Variants in RGS22 observed in about 807,000 individuals in gnomAD.
RGS22 encodes regulator of G-protein signaling 22.
In RGS22, 148 loss-of-function variants were observed where a neutral mutation model predicts 172.9. That is an observed-to-expected ratio of 0.86 (90% confidence interval 0.75 to 0.98). The LOEUF (loss-of-function observed/expected upper bound fraction) is 0.98, where lower values mean the gene tolerates loss of function less well. Among genes scored for constraint, RGS22 ranks in the 50% least tolerant of loss-of-function variants. The pLI, the probability that RGS22 is intolerant of heterozygous loss-of-function variation, is 0.00. For missense variants in RGS22, 1,347 were observed against 1,440.8 expected (o/e 0.93, Z 1.05); for synonymous variants, 458 against 480.2 (o/e 0.95, Z 0.60).
intron 12 of RGS22, 107 bp from the exon 13 acceptor site, chr8:100,040,194 T>C (rs1474971448): frequency 4.1e-6 from 4 of 965,458 alleles, no homozygotes; most frequent in Non-Finnish European, 6.2e-6. Flanking sequence ...ATTTTCCCAC[T>C]GGACTATTTT....
At chr8:99,962,838 T>C (rs931828996) in intron 25 of RGS22, 47 bp downstream of exon 25, 2 of 1,578,510 alleles carry the variant, frequency 1.3e-6, no homozygotes, top group East Asian at 4.5e-5. Flanking sequence ...AATTAATCTG[T>C]GATAAAAGAT....
chr8:100,000,331 TTAA>T lies in RGS22; in HGVS notation c.2791-914_2791-912del, dbSNP rs1191889972. 6.6e-5 allele frequency among the ~76,000 whole-genome samples: 10 copies of T among 152,226 alleles called. 1 individual carries two copies. In the Middle Eastern group the frequency reaches 0.024, roughly 362 times the overall value. ...AGGAAATCCTCTTCTTAGTTCTCCT[TTAA>T]TAATATCATTAAATAATATCAACAC... On this transcript the variant is annotated intron_variant, in intron 18 of 27. Coordinates refer to ENST00000360863, the MANE Select transcript of RGS22 (RefSeq NM_015668.5).
intron 10 of RGS22, among the ~76,000 whole-genome samples, chr8:100,049,525 A>C (rs375875732): frequency 5.3e-5 from 8 of 152,152 alleles, no homozygotes; most frequent in African/African-American, 1.9e-4. Flanking sequence ...CTCCTTTGGC[A>C]TTGTTCTCTT....
chr8:99,971,335 C>G (rs1404223770), intron 23 of RGS22, among the ~76,000 whole-genome samples: 2 of 152,200 alleles, frequency 1.3e-5, no homozygotes, highest in African/African-American at 2.4e-5. Flanking sequence ...GATGCCCTCT[C>G]TCACCATTCC....
chr8:100,073,860 A>T (rs950183928), intron 4 of RGS22, among the ~76,000 whole-genome samples: 21 of 152,240 alleles, frequency 1.4e-4, no homozygotes, highest in Admixed American at 1.2e-3. Flanking sequence ...AAAATGAATT[A>T]AAAAGTTTAA....
At chr8:100,003,073 A>G (rs1389577408) in intron 17 of RGS22, 2 of 167,334 alleles carry the variant, frequency 1.2e-5, no homozygotes, top group South Asian at 1.1e-4. Flanking sequence ...AAAAAAAAGA[A>G]TGAGTAAGAA....
At chr8:100,001,053 A>G (rs868112861) in intron 18 of RGS22, among the ~76,000 whole-genome samples, 3 of 151,610 alleles carry the variant, frequency 2.0e-5, no homozygotes, top group Non-Finnish European at 4.4e-5. Context: ...GATAAACTAT[A>G]CATTACATCT....
chr8:100,002,507 A>G (rs1815204081), intron 17 of RGS22, 143 bp from the exon 18 acceptor site: 1 of 679,596 alleles, frequency 1.5e-6, no homozygotes. Context: ...CGAACCCAAT[A>G]TTGTATCTCT....
intron 21 of RGS22, among the ~76,000 whole-genome samples, chr8:99,985,091 A>G (rs1812941526): frequency 6.6e-6 from 1 of 152,212 alleles, no homozygotes; most frequent in East Asian, 1.9e-4. Flanking sequence ...GAGAAGCAGC[A>G]CAGCTTAGTG....
chr8:100,092,094 C>T (rs1194041367), intron 3 of RGS22: 1 of 151,660 alleles, frequency 6.6e-6, no homozygotes, highest in Non-Finnish European at 1.5e-5. Flanking sequence ...CTAATCTACA[C>T]AAGAAAGTGC....
At chr8:100,030,785 A>C (rs1818708601) in intron 14 of RGS22, among the ~76,000 whole-genome samples, 1 of 152,216 alleles carries the variant, frequency 6.6e-6, no homozygotes, top group African/African-American at 2.4e-5. Flanking sequence ...TGGAAAAACT[A>C]CTAAAGGATA....
At position 100,018,003 on chromosome 8, in the gene RGS22, CT is replaced by C. The variant is rs1817189345; in HGVS notation, c.2167-9435del. Among the ~76,000 whole-genome samples, 7 of 152,242 alleles carry C rather than the reference CT, an allele frequency of 4.6e-5. No individual in the cohort carries two copies. In the South Asian group the frequency reaches 1.5e-3, roughly 32 times the overall value. On this transcript the variant is annotated intron_variant, in intron 14 of 27. Transcript: ENST00000360863. ...CCAATTTAAACATTAACCTATGATG[CT>C]TTAACAACCCAGCAGGAAAGTTTTT... is the stretch of plus-strand genomic sequence containing the variant.
rs1042682977 is a variant in RGS22 at position 100,032,596 on chromosome 8, TAGAC to T, written c.2166+6331_2166+6334del. ...GACTTTAACACCCCACTGTCAATAT[TAGAC>T]AGATCAATGAGACAGAAGGTTAACA... On this transcript the variant is annotated intron_variant, in intron 14 of 27. Coordinates refer to ENST00000360863, the MANE Select transcript of RGS22 (RefSeq NM_015668.5). Among the ~76,000 whole-genome samples the T allele has an allele frequency of 8.7e-4, 133 of 152,184 alleles. 1 individual carries two copies. Among genetic ancestry groups the T allele is most frequent in the African/African-American group, 2.7e-3 (112 of 41,520 alleles).
intron 14 of RGS22, among the ~76,000 whole-genome samples, chr8:100,036,865 C>G (rs1313741273): frequency 1.3e-5 from 2 of 152,254 alleles, no homozygotes; most frequent in East Asian, 1.9e-4. Context: ...TGCCAAAGTA[C>G]TGGGATTACA....
intron 9 of RGS22, among the ~76,000 whole-genome samples, chr8:100,057,973 C>A (rs1199489386): frequency 6.6e-6 from 1 of 151,980 alleles, no homozygotes; most frequent in Non-Finnish European, 1.5e-5. Context: ...CAAGATAACA[C>A]AGAGAAGAAA....
rs771435029 is a variant in RGS22 at position 100,052,815 on chromosome 8, A to G, written c.1676T>C (p.Ile559Thr). Residue 559 changes from isoleucine (I) to threonine (T), a missense_variant, in exon 10 of 28, where the codon ATA becomes ACA. By Grantham distance (89) the Ile-to-Thr change is moderately conservative. Coordinates refer to ENST00000360863, the MANE Select transcript of RGS22 (RefSeq NM_015668.5). ...PLRPKSCIPQ[I>T]PEIQKEEFSL... is the part of the protein sequence containing the mutation. ...TGTACACCCTACCTGGATCTCAGGT[A>G]TCTGTGGAATGCAAGATTTGGGTCT... 5 of 1,613,918 alleles carry G rather than the reference A, an allele frequency of 3.1e-6. No individual in the cohort carries two copies. Among genetic ancestry groups the G allele is most frequent in the East Asian group, 2.2e-5 (1 of 44,880 alleles).
At chr8:100,069,192 T>C (rs1810765006) in intron 6 of RGS22, among the ~76,000 whole-genome samples, 1 of 152,226 alleles carries the variant, frequency 6.6e-6, no homozygotes, top group African/African-American at 2.4e-5. Context: ...TCTTGTATGA[T>C]AATTTTGATC....
intron 14 of RGS22, among the ~76,000 whole-genome samples, chr8:100,027,714 C>A (rs1328732580): frequency 6.6e-6 from 1 of 152,124 alleles, no homozygotes; most frequent in East Asian, 1.9e-4. Flanking sequence ...AACTCCTGAG[C>A]TCAGTTGATC....
At chr8:100,052,383 G>A (rs1331830231) in intron 10 of RGS22, among the ~76,000 whole-genome samples, 1 of 149,844 alleles carries the variant, frequency 6.7e-6, no homozygotes, top group East Asian at 2.0e-4. Flanking sequence ...CTCACTGCAA[G>A]CTCCGCCTCC....
Sources: allele counts gnomAD v4.1 joint callset (sites outside exome capture counted in the v4.1 genomes callset), GRCh38; gene constraint gnomAD v4.1.1; transcripts MANE v1.5; gene names NCBI Gene and HGNC (gene_info 2026-07-23, HGNC 2026-07-21).